PDZD8: variants seen among roughly 807,000 people sequenced by gnomAD.
PDZD8 encodes PDZ domain-containing protein 8.
A neutral mutation model predicts 85.8 loss-of-function variants in PDZD8; 14 were observed. The ratio of observed to expected loss-of-function variants is 0.16; its 90% CI spans 0.11 to 0.26. The LOEUF (loss-of-function observed/expected upper bound fraction) is 0.26. Among genes scored for constraint, PDZD8 ranks in the 10% least tolerant of loss-of-function variants. PDZD8 has a pLI of 1.00. For missense variants in PDZD8, 1,197 were observed against 1,424.3 expected (o/e 0.84, Z 2.57); for synonymous variants, 592 against 568.6 (o/e 1.04, Z -0.59).
intron 1 of PDZD8, among the ~76,000 whole-genome samples, chr10:117,355,155 A>G (rs1844872161): frequency 6.6e-6 from 1 of 152,184 alleles, no homozygotes; most frequent in African/African-American, 2.4e-5. Context: ...AGGCTCCTCT[A>G]TATTCACCAA....
intron 1 of PDZD8, among the ~76,000 whole-genome samples, chr10:117,363,152 G>A (rs1240892882): frequency 6.6e-6 from 1 of 152,070 alleles, no homozygotes; most frequent in East Asian, 1.9e-4. Flanking sequence ...GCCACAGCAG[G>A]TTTCAGAGAA....
intron 3 of PDZD8, 76 bp from the exon 4 acceptor site, chr10:117,290,424 GT>G: frequency 8.5e-7 from 1 of 1,181,688 alleles, no homozygotes; most frequent in South Asian, 1.6e-5. Flanking sequence ...GTAACAGACT[GT>G]TATGTGCAGA....
chr10:117,374,319 C>G lies in PDZD8; in HGVS notation c.872+37G>C, dbSNP rs748160386. On this transcript the variant is annotated intron_variant, in intron 1 of 4. Transcript: ENST00000334464. The surrounding 1 kb of genome is among the most constrained non-coding windows in gnomAD (Gnocchi z 7.8). ...GCAGCGTCCCGCCCAGGCCCGGGTT[C>G]CCGGCAGCCAGGCCCCCTCCCCGAC... 1 of 1,601,686 alleles carries G rather than the reference C, an allele frequency of 6.2e-7. No homozygotes were observed. The highest frequency in any genetic ancestry group is 8.5e-7 in the Non-Finnish European group (1 of 1,172,628).
intron 1 of PDZD8, among the ~76,000 whole-genome samples, chr10:117,370,163 G>A (rs1027694836): frequency 1.1e-4 from 17 of 152,136 alleles, no homozygotes; most frequent in Non-Finnish European, 5.9e-5. Context: ...TAACATTGAG[G>A]TGGATGAATG....
chr10:117,367,182 G>A (rs1426625088), intron 1 of PDZD8, among the ~76,000 whole-genome samples: 4 of 151,812 alleles, frequency 2.6e-5, no homozygotes, highest in Non-Finnish European at 4.4e-5. Flanking sequence ...AGGCTGAGGC[G>A]GGGGGATCAC....
At chr10:117,296,137 G>A (rs924585569) in intron 3 of PDZD8, among the ~76,000 whole-genome samples, 67 of 151,628 alleles carry the variant, frequency 4.4e-4, no homozygotes, top group African/African-American at 1.6e-3. Context: ...AGACTACAAG[G>A]TCAATATTCA....
Position 117,374,695 on chromosome 10 carries a change from T to C in PDZD8, c.533A>G (p.Glu178Gly), listed in dbSNP as rs1845261420. The change falls in exon 1 of 5, where the codon GAA (glutamate) becomes GGA (glycine). Residue 178 changes from glutamate to glycine, a missense_variant. By Grantham distance (98) the Glu-to-Gly change is moderately conservative (BLOSUM62 -2). This residue lies in a region of PDZD8 where 344 missense variants were observed against 453.6 expected (regional missense o/e 0.76). Transcript: ENST00000334464. This position sits in a 1 kb window ranked among gnomAD's most constrained non-coding sequence, Gnocchi z 7.8. ...GCAGGCGGCGGGCAGCGCCTCCCCTTCAGGGCCATCGGGCTCCCCGGTGGC... is the reference window on the plus strand; with the variant it reads ...GCAGGCGGCGGGCAGCGCCTCCCCTCCAGGGCCATCGGGCTCCCCGGTGGC... ...PSATGEPDGP[E>G]GEALPAACPE... 5.6e-6 allele frequency: 9 copies of C among 1,600,694 alleles called. No homozygotes were observed. Among genetic ancestry groups the C allele is most frequent in the Non-Finnish European group, 6.8e-6 (8 of 1,174,186 alleles).
At chr10:117,314,166 T>C (rs1844085068) in intron 3 of PDZD8, 1 of 152,214 alleles carries the variant, frequency 6.6e-6, no homozygotes, top group Admixed American at 6.5e-5. Context: ...TTTCTTACCC[T>C]GGCAGTAGTT....
At chr10:117,290,070 A>C (rs1053487720) in intron 4 of PDZD8, 116 bp downstream of exon 4, 1 of 848,354 alleles carries the variant, frequency 1.2e-6, no homozygotes, top group African/African-American at 1.7e-5. Flanking sequence ...TATTTCCATT[A>C]TAAAAGTGAC....
intron 1 of PDZD8, among the ~76,000 whole-genome samples, chr10:117,369,144 TTTTA>T (rs201074131): frequency 4.0e-5 from 6 of 151,390 alleles, no homozygotes; most frequent in Middle Eastern, 3.4e-3. Flanking sequence ...TGACAATGTC[TTTTA>T]TTTATTTATT....
Position 117,375,240 on chromosome 10 carries a change from T to TCCGCCC in PDZD8, c.-19_-14dup. 6.9e-7 allele frequency: 1 copy of TCCGCCC among 1,458,158 alleles called. No individual in the cohort carries two copies. The highest frequency in any genetic ancestry group is 1.4e-5 in the South Asian group (1 of 73,392). 90.3% of individuals were successfully genotyped at this position (1,458,158 alleles called of 1,614,324 possible). On this transcript the variant is annotated 5_prime_UTR_variant, in exon 1 of 5. Transcript: ENST00000334464. ...GCAGCAGCCCCATCCCGCCACCGCC[T>TCCGCCC]CCGCCCGGGCCCCTACTCCCGCGCC... is the stretch of plus-strand genomic sequence containing the variant.
intron 3 of PDZD8, among the ~76,000 whole-genome samples, chr10:117,306,206 G>A (rs1354432205): frequency 6.6e-6 from 1 of 152,114 alleles, no homozygotes; most frequent in Non-Finnish European, 1.5e-5. Flanking sequence ...CCTCATCTAA[G>A]AGACAACAAA....
At chr10:117,291,354 C>A (rs1371170482) in intron 3 of PDZD8, among the ~76,000 whole-genome samples, 2 of 151,584 alleles carry the variant, frequency 1.3e-5, no homozygotes, top group Non-Finnish European at 2.9e-5. Context: ...CACGGTGAAA[C>A]CCCGTCTCTA....
intron 2 of PDZD8, among the ~76,000 whole-genome samples, chr10:117,332,283 C>T (rs1195853191): frequency 6.6e-6 from 1 of 151,914 alleles, no homozygotes; most frequent in Non-Finnish European, 1.5e-5. Context: ...TTATCGTTCC[C>T]TCCAAGAAAA....
Position 117,280,758 on chromosome 10 carries a change from A to C in PDZD8, c.*2510T>G, listed in dbSNP as rs999150038. The C allele has an allele frequency of 6.6e-6, 1 of 152,244 alleles. No individual in the cohort carries two copies. The highest frequency in any genetic ancestry group is 1.5e-5 in the Non-Finnish European group (1 of 68,052). The allele number at this position is 152,244 out of a possible 1,614,324, so 9.4% of individuals were successfully genotyped here. On this transcript the variant is annotated 3_prime_UTR_variant, in exon 5 of 5. Coordinates refer to ENST00000334464, the MANE Select transcript of PDZD8 (RefSeq NM_173791.5). ...CATTAGCAGCATTACTGAGCTTTCT[A>C]TAATTGTGGTCTACAGAGTTAAATA...
At chr10:117,373,483 C>G (rs1159881810) in intron 1 of PDZD8, among the ~76,000 whole-genome samples, 2 of 151,788 alleles carry the variant, frequency 1.3e-5, no homozygotes, top group Non-Finnish European at 2.9e-5. Context: ...CCGGGCCGGG[C>G]GCGGTGGTTC....
chr10:117,357,290 G>A (rs1176600330), intron 1 of PDZD8, among the ~76,000 whole-genome samples: 1 of 152,092 alleles, frequency 6.6e-6, no homozygotes, highest in Non-Finnish European at 1.5e-5. Flanking sequence ...AGCTACTTGG[G>A]AGGCTGAAGC....
chr10:117,333,131 A>AAAAAAAC lies in PDZD8; in HGVS notation c.995+7848_995+7849insGTTTTTT, dbSNP rs1564703039. Among the ~76,000 whole-genome samples the AAAAAAAC allele has an allele frequency of 7.4e-5, 11 of 149,180 alleles. 1 individual carries two copies. The highest frequency in any genetic ancestry group is 2.7e-4 in the Admixed American group (4 of 14,978). On this transcript the variant is annotated intron_variant, in intron 2 of 4. Transcript: ENST00000334464. ...GGACTCTGTCTCAAAAAAAAAAAAAAAAAAAAAAAAAAGGGGATATGGAGG... is the reference window on the plus strand; with the variant it reads ...GGACTCTGTCTCAAAAAAAAAAAAAAAAAAAACAAAAAAAAAAAAGGGGATATGGAGG...
intron 1 of PDZD8, among the ~76,000 whole-genome samples, chr10:117,358,707 C>T (rs1768411072): frequency 6.6e-6 from 1 of 152,090 alleles, no homozygotes; most frequent in Non-Finnish European, 1.5e-5. Context: ...ACTTACTAGC[C>T]TTGACACCTT....
Sources: allele counts gnomAD v4.1 joint callset (sites outside exome capture counted in the v4.1 genomes callset), GRCh38; gene constraint gnomAD v4.1.1; regional missense constraint gnomAD v4.1.1; non-coding constraint Gnocchi (gnomAD v3.1); transcripts MANE v1.5; gene names NCBI Gene and HGNC (gene_info 2026-07-23, HGNC 2026-07-21).